PCDHA9: variants seen among roughly 807,000 people sequenced by gnomAD.
PCDHA9 encodes protocadherin alpha 9.
PCDHA9 carries 62 observed loss-of-function variants against 62.0 expected under a neutral mutation model. The ratio of observed to expected loss-of-function variants is 1.00; its 90% CI spans 0.81 to 1.23. The LOEUF (loss-of-function observed/expected upper bound fraction) is 1.23. Among genes scored for constraint, PCDHA9 ranks in the 50% most tolerant of loss-of-function variants. The pLI, the probability that PCDHA9 is intolerant of heterozygous loss-of-function variation, is 0.00. For synonymous variants in PCDHA9, 557 were observed against 567.6 expected (o/e 0.98, Z 0.27); for missense variants, 1,205 against 1,249.8 (o/e 0.96, Z 0.54).
intron 1 of PCDHA9, chr5:140,870,354 G>T: frequency 6.2e-7 from 1 of 1,614,226 alleles, no homozygotes; most frequent in Non-Finnish European, 8.5e-7. Context: ...GCGAGAACGT[G>T]TGGGCCTATG....
At chr5:140,871,299 G>C (rs782459625) in intron 1 of PCDHA9, 1 of 1,613,916 alleles carries the variant, frequency 6.2e-7, no homozygotes, top group Non-Finnish European at 8.5e-7. Context: ...GCGCGTGCGC[G>C]CCGGGGAAGC....
chr5:140,898,980 G>A (rs2067076537), intron 1 of PCDHA9, among the ~76,000 whole-genome samples: 1 of 151,930 alleles, frequency 6.6e-6, no homozygotes, highest in South Asian at 2.1e-4. Flanking sequence ...CTCATGATTT[G>A]GCTCTCTGTT....
chr5:140,884,265 T>A, intron 1 of PCDHA9: 1 of 1,613,432 alleles, frequency 6.2e-7, no homozygotes, highest in Middle Eastern at 1.6e-4. Context: ...GCAACGGTGC[T>A]GTTGTCGCTG....
chr5:140,979,434 A>G (rs1490433887), intron 2 of PCDHA9, among the ~76,000 whole-genome samples: 1 of 151,986 alleles, frequency 6.6e-6, no homozygotes, highest in South Asian at 2.1e-4. Context: ...CACATTGGCT[A>G]TTACATCCTA....
chr5:140,910,191 CTT>C (rs1384563815), intron 1 of PCDHA9, among the ~76,000 whole-genome samples: 2 of 152,152 alleles, frequency 1.3e-5, no homozygotes, highest in Non-Finnish European at 2.9e-5. Context: ...TCAAATTAGT[CTT>C]TTGTCCACTT....
chr5:140,892,054 T>G (rs1409591142), intron 1 of PCDHA9, among the ~76,000 whole-genome samples: 4 of 152,244 alleles, frequency 2.6e-5, no homozygotes, highest in African/African-American at 7.2e-5. Flanking sequence ...TTTTTCAAAT[T>G]TATTGTTACT....
At chr5:140,984,031 CAT>C (rs2153832931) in intron 3 of PCDHA9, among the ~76,000 whole-genome samples, 1 of 152,260 alleles carries the variant, frequency 6.6e-6, no homozygotes, top group South Asian at 2.1e-4. Context: ...AGGGGAAAAA[CAT>C]AAAATAGTTC....
chr5:140,874,216 C>A (rs1482061600), intron 1 of PCDHA9, among the ~76,000 whole-genome samples: 1 of 152,146 alleles, frequency 6.6e-6, no homozygotes, highest in African/African-American at 2.4e-5. Flanking sequence ...TTATTATATG[C>A]AGTAGGAATG....
intron 1 of PCDHA9, among the ~76,000 whole-genome samples, chr5:140,917,330 A>AGGGGGGGGGGG (rs1425400137): frequency 9.7e-6 from 1 of 103,190 alleles, no homozygotes. Flanking sequence ...GTGGCGGGGG[A>AGGGGGGGGGGG]GGGGGGGGAT....
At chr5:140,857,127 A>C in intron 1 of PCDHA9, 1 of 1,598,180 alleles carries the variant, frequency 6.3e-7, no homozygotes, top group Non-Finnish European at 8.6e-7. Flanking sequence ...CCAGTGAAAG[A>C]AGATGCTCAA....
At chr5:140,856,210 G>C (rs556174610) in intron 1 of PCDHA9, 1 of 1,598,116 alleles carries the variant, frequency 6.3e-7, no homozygotes, top group African/African-American at 1.3e-5. Context: ...TGGGGCTGGA[G>C]CTGGCGGAGC....
At position 140,848,643 on chromosome 5, in the gene PCDHA9, C is replaced by CAGG. The variant is rs2150415990; in HGVS notation, c.150_152dup (p.Gln50_Asp51insGlu). On this transcript the variant is annotated inframe_insertion, in exon 1 of 4. Transcript: ENST00000532602. ...CGGCACCTTCGTGGGCCGCATCGCGCAGGACCTGGGGCTGGAGCTGGCGGA... is the reference window on the plus strand; with the variant it reads ...CGGCACCTTCGTGGGCCGCATCGCGCAGGAGGACCTGGGGCTGGAGCTGGCGGA... 2 of 1,593,132 alleles carry CAGG rather than the reference C, an allele frequency of 1.3e-6. No individual in the cohort carries two copies. Among genetic ancestry groups the CAGG allele is most frequent in the African/African-American group, 2.7e-5 (2 of 74,364 alleles).
At position 140,883,904 on chromosome 5, in the gene PCDHA9, G is replaced by A. The variant is rs146827381; in HGVS notation, c.2394+33015G>A. 7,677 of 1,613,344 alleles carry A rather than the reference G, an allele frequency of 4.8e-3. 19 individuals are homozygous for A. The highest frequency in any genetic ancestry group is 5.8e-3 in the Non-Finnish European group (6,886 of 1,179,828). On this transcript the variant is annotated intron_variant, in intron 1 of 3. Transcript: ENST00000532602. ...GCGCGACTCTGGCGTGCCGCCTCTG[G>A]GCAGCAACGTGACGCTGCAGGTGTT... is the stretch of plus-strand genomic sequence containing the variant.
chr5:140,988,751 T>C (rs1433769306), intron 3 of PCDHA9, among the ~76,000 whole-genome samples: 2 of 152,198 alleles, frequency 1.3e-5, no homozygotes, highest in Non-Finnish European at 2.9e-5. Flanking sequence ...ATTGGTGGCC[T>C]GGGCAGAATA....
At chr5:140,876,398 A>G (rs782094508) in intron 1 of PCDHA9, 1 of 1,613,962 alleles carries the variant, frequency 6.2e-7, no homozygotes, top group Non-Finnish European at 8.5e-7. Context: ...GGTGAACTGG[A>G]TTTTGAAGAG....
In PCDHA9 at chr5:140,877,192, G is replaced by C. The variant is rs202102698; in HGVS notation, c.2394+26303G>C. 3.5e-4 allele frequency: 559 copies of C among 1,613,846 alleles called. 3 individuals are homozygous for C. The African/African-American group carries it at 6.5e-3, about 19-fold the overall frequency. Reference sequence around the variant, plus strand: ...GCTGGCGACTCCGGCTGGCAGCGCAGGAGGCGCAGTTAGCGAGTTGGTACC... The same window carrying C: ...GCTGGCGACTCCGGCTGGCAGCGCACGAGGCGCAGTTAGCGAGTTGGTACC... On this transcript the variant is annotated intron_variant, in intron 1 of 3. Coordinates refer to ENST00000532602, the MANE Select transcript of PCDHA9 (RefSeq NM_031857.2).
At position 141,011,373 on chromosome 5, in the gene PCDHA9, TAA is replaced by T. The variant is rs1299941460; in HGVS notation, c.*1437_*1438del. The T allele has an allele frequency of 1.3e-5, 2 of 153,792 alleles. No homozygotes were observed. Among genetic ancestry groups the T allele is most frequent in the Non-Finnish European group, 2.9e-5 (2 of 68,046 alleles). The allele number at this position is 153,792 out of a possible 1,614,324, so 9.5% of individuals were successfully genotyped here. A position where few individuals can be genotyped will look rare whatever the true frequency, so the allele number is the denominator to read the frequency against. The stretch of plus-strand genomic sequence containing the variant: ...CCCATATGTATGCTGTATGCTATGC[TAA>T]GACTCCTGAAATATACTTACTCTGT... On this transcript the variant is annotated 3_prime_UTR_variant, in exon 4 of 4. Coordinates refer to ENST00000532602, the MANE Select transcript of PCDHA9 (RefSeq NM_031857.2).
intron 1 of PCDHA9, among the ~76,000 whole-genome samples, chr5:140,975,197 C>T (rs1176492853): frequency 6.6e-6 from 1 of 152,230 alleles, no homozygotes; most frequent in Non-Finnish European, 1.5e-5. Flanking sequence ...TCTGCTCCAT[C>T]TTCATGGCTG....
At chr5:140,924,175 A>G (rs1179259744) in intron 1 of PCDHA9, among the ~76,000 whole-genome samples, 4 of 152,244 alleles carry the variant, frequency 2.6e-5, no homozygotes, top group Non-Finnish European at 5.9e-5. Context: ...CTGGCACTGA[A>G]GCAGAAAATT....
Sources: allele counts gnomAD v4.1 joint callset (sites outside exome capture counted in the v4.1 genomes callset), GRCh38; gene constraint gnomAD v4.1.1; transcripts MANE v1.5; gene names NCBI Gene and HGNC (gene_info 2026-07-23, HGNC 2026-07-21).